Variants in LMO7 observed in about 807,000 individuals in gnomAD.
The protein encoded by LMO7 is LIM domain only protein 7.
LMO7 carries 120 observed loss-of-function variants against 206.5 expected under a neutral mutation model. That is an observed-to-expected ratio of 0.58 (90% confidence interval 0.50 to 0.68). The LOEUF (loss-of-function observed/expected upper bound fraction) is 0.68, where lower values mean the gene tolerates loss of function less well. Ranked by LOEUF, LMO7 falls within the 30% of genes least tolerant of loss-of-function variation. The probability of loss-of-function intolerance (pLI) is 0.00; values close to 1 mark genes in which losing one functional copy is unlikely to be tolerated. For missense variants in LMO7, 1,959 were observed against 1,957.9 expected, an observed-to-expected ratio of 1.00 and a Z score of -0.01; for synonymous variants, 706 against 681.5, an observed-to-expected ratio of 1.04 and a Z score of -0.56.
intron 15 of LMO7, 106 bp downstream of exon 15, chr13:75,823,979 A>C (rs2057859616): frequency 1.2e-6 from 1 of 845,594 alleles, no homozygotes; most frequent in African/African-American, 1.7e-5. Context: ...TCTGGGCTGA[A>C]AATGTGCAAA....
At chr13:75,719,455 T>C (rs2043836595) in intron 2 of LMO7, among the ~76,000 whole-genome samples, 1 of 152,204 alleles carries the variant, frequency 6.6e-6, no homozygotes, top group South Asian at 2.1e-4. Context: ...AAATCTCATG[T>C]CAAATTGTAA....
intron 4 of LMO7, among the ~76,000 whole-genome samples, chr13:75,765,747 G>A (rs1251056237): frequency 3.9e-5 from 6 of 152,124 alleles, no homozygotes; most frequent in Non-Finnish European, 7.4e-5. Flanking sequence ...GCTGGGACAA[G>A]CCATTGAATA....
intron 4 of LMO7, among the ~76,000 whole-genome samples, chr13:75,770,791 C>T (rs1187450226): frequency 6.6e-6 from 1 of 152,090 alleles, no homozygotes; most frequent in African/African-American, 2.4e-5. Context: ...TATTTCTAAA[C>T]TAATAACAGC....
At chr13:75,843,618 T>G (rs2059727810) in intron 25 of LMO7, among the ~76,000 whole-genome samples, 1 of 152,212 alleles carries the variant, frequency 6.6e-6, no homozygotes, top group Non-Finnish European at 1.5e-5. Flanking sequence ...GAACTACTGG[T>G]CAGTTTTGGG....
chr13:75,710,117 G>A (rs4885343), intron 1 of LMO7, among the ~76,000 whole-genome samples: 65,505 of 151,738 alleles, frequency 0.43, 14,636 homozygotes, highest in East Asian at 0.68. Context: ...GTAGATATGC[G>A]GCATTATTTC....
intron 2 of LMO7, among the ~76,000 whole-genome samples, chr13:75,625,648 A>C (rs1008641019): frequency 3.0e-4 from 45 of 152,208 alleles, no homozygotes; most frequent in African/African-American, 1.0e-3. Context: ...GTTTGGCTTC[A>C]CTGGTCTATT....
intron 3 of LMO7, among the ~76,000 whole-genome samples, chr13:75,740,440 T>C (rs1011311497): frequency 2.6e-5 from 4 of 152,112 alleles, no homozygotes; most frequent in African/African-American, 9.7e-5. Context: ...GGTGACAGAG[T>C]GAGACTCCAT....
intron 1 of LMO7, among the ~76,000 whole-genome samples, 164 bp downstream of exon 1, chr13:75,636,890 T>G (rs915674508): frequency 1.3e-5 from 2 of 152,226 alleles, no homozygotes; most frequent in African/African-American, 4.8e-5. Flanking sequence ...CTCTGCGGGT[T>G]CTGCCGCTCC....
In LMO7 at chr13:75,840,421, C is replaced by T. The variant is rs763860269; in HGVS notation, c.3508C>T (p.Arg1170Cys). The T allele has an allele frequency of 6.2e-6, 10 of 1,613,846 alleles. 1 individual carries two copies. The highest frequency in any genetic ancestry group is 3.3e-4 in the Middle Eastern group (2 of 6,080). Residue 1170 changes from arginine to cysteine, a missense_variant, in exon 22 of 31, where the codon CGC becomes TGC. Coordinates refer to ENST00000377534, the MANE Select transcript of LMO7 (RefSeq NM_001306080.2). ...AGTTCCAACCATCAGTGCCCCGAGT[C>T]GCTGGGTGTGGGATCAAGAGGAGGA... ...LPVPTISAPS[R>C]WVWDQEEERK...
intron 4 of LMO7, among the ~76,000 whole-genome samples, chr13:75,785,737 C>T (rs2052329204): frequency 6.6e-6 from 1 of 152,158 alleles, no homozygotes; most frequent in African/African-American, 2.4e-5. Context: ...TTGCCAGTTT[C>T]TCCTGTTTCA....
chr13:75,635,588 C>A (rs989147770), upstream of LMO7, among the ~76,000 whole-genome samples: 1 of 152,212 alleles, frequency 6.6e-6, no homozygotes, highest in African/African-American at 2.4e-5. Flanking sequence ...CTAAACTGGG[C>A]TGAGCGGGCG....
Position 75,636,740 on chromosome 13 carries a change from A to T in LMO7, c.69+14A>T. ...AGATGGGTGGAGGTGAGTGCCTTTC[A>T]CTGCTTTCCCTTCCGCAGGTGTTGA... On this transcript the variant is annotated intron_variant, in intron 1 of 30. Transcript: ENST00000377534. 1 of 1,599,858 alleles carries T rather than the reference A, an allele frequency of 6.3e-7. No individual in the cohort carries two copies. The highest frequency in any genetic ancestry group is 8.5e-7 in the Non-Finnish European group (1 of 1,173,792).
chr13:75,702,035 A>C (rs1280049541), intron 1 of LMO7, among the ~76,000 whole-genome samples: 1 of 152,130 alleles, frequency 6.6e-6, no homozygotes, highest in Non-Finnish European at 1.5e-5. Flanking sequence ...TGAGACTGTA[A>C]GCTAAAAGTT....
intron 1 of LMO7, among the ~76,000 whole-genome samples, chr13:75,676,606 C>T (rs2040038144): frequency 6.6e-6 from 1 of 152,176 alleles, no homozygotes; most frequent in South Asian, 2.1e-4. Flanking sequence ...TTGTTCTCCT[C>T]TGAATAAGAC....
In LMO7 at chr13:75,712,926, A is replaced by C. The variant is rs552073316; in HGVS notation, c.70-256A>C. Among the ~76,000 whole-genome samples the C allele has an allele frequency of 1.0e-2, 1,343 of 134,778 alleles. 25 individuals carry two copies. The highest frequency in any genetic ancestry group is 0.041 in the African/African-American group (1,240 of 30,004). 88.4% of individuals were successfully genotyped at this position (134,778 alleles called of 152,430 possible). A position where few individuals can be genotyped will look rare whatever the true frequency, so the allele number is the denominator to read the frequency against. On this transcript the variant is annotated intron_variant, in intron 1 of 30. Coordinates refer to ENST00000377534, the MANE Select transcript of LMO7 (RefSeq NM_001306080.2). ...GCTCTTTTGTGTATCATCCAATAAA[A>C]TGATTATATTACTGAAAACACTCAT...
intron 2 of LMO7, 49 bp downstream of exon 2, chr13:75,713,301 T>G (rs1404540973): frequency 7.4e-7 from 1 of 1,358,822 alleles, no homozygotes; most frequent in Admixed American, 1.8e-5. Context: ...AAGATATGTG[T>G]GTGTGTGAGT....
At chr13:75,833,504 A>G (rs1482809020) in intron 16 of LMO7, among the ~76,000 whole-genome samples, 2 of 152,148 alleles carry the variant, frequency 1.3e-5, no homozygotes, top group Non-Finnish European at 1.5e-5. Context: ...CATGCTTTGT[A>G]GTAGATATAT....
chr13:75,733,910 G>A (rs181571309), intron 3 of LMO7, among the ~76,000 whole-genome samples: 3 of 152,192 alleles, frequency 2.0e-5, no homozygotes, highest in Non-Finnish European at 2.9e-5. Flanking sequence ...CCCTGTGTGC[G>A]CTGTTTGCTG....
intron 4 of LMO7, among the ~76,000 whole-genome samples, chr13:75,782,690 G>T (rs1000075172): frequency 6.6e-6 from 1 of 152,182 alleles, no homozygotes; most frequent in Non-Finnish European, 1.5e-5. Context: ...CAGCTCCAGG[G>T]GAGAATCCAC....
Sources: gnomAD v4.1 joint callset for allele counts (sites outside exome capture counted in the v4.1 genomes callset) on GRCh38, gnomAD v4.1.1 for gene constraint, MANE v1.5 for transcripts, NCBI Gene and HGNC (gene_info 2026-07-23, HGNC 2026-07-21) for gene names.